FRMD3: variants seen among roughly 807,000 people sequenced by gnomAD.
The protein encoded by FRMD3 is FERM domain containing 3.
Under a neutral mutation model 70.2 loss-of-function variants are expected in FRMD3, and 33 were observed. The observed-to-expected ratio is 0.47, with a 90% CI of 0.36 to 0.63. FRMD3 has a LOEUF of 0.63. Ranked by LOEUF, FRMD3 falls within the 20% of genes least tolerant of loss-of-function variation. The probability of loss-of-function intolerance (pLI) is 0.00; values close to 1 mark genes in which losing one functional copy is unlikely to be tolerated. For missense variants in FRMD3, 632 were observed against 711.4 expected (o/e 0.89, Z 1.27); for synonymous variants, 279 against 255.9 (o/e 1.09, Z -0.86).
intron 1 of FRMD3, among the ~76,000 whole-genome samples, chr9:83,464,886 G>T (rs1828078068): frequency 6.6e-6 from 1 of 151,460 alleles, no homozygotes; most frequent in Non-Finnish European, 1.5e-5. Context: ...CAGGCTTGGT[G>T]GTGTGCACCT....
rs1228078604 is a variant in FRMD3 at position 83,467,615 on chromosome 9, T to C, written c.147+70470A>G. 6.6e-6 allele frequency: 10 copies of C among 1,521,858 alleles called. No homozygotes were observed. In the East Asian group the frequency reaches 2.4e-4, roughly 37 times the overall value. The allele number at this position is 1,521,858 out of a possible 1,614,324, so 94.3% of individuals were successfully genotyped here. On this transcript the variant is annotated intron_variant, in intron 1 of 13. Coordinates refer to ENST00000304195, the MANE Select transcript of FRMD3 (RefSeq NM_174938.6). ...GATTACATTTTAGCTGACTGACACA[T>C]ACCTTTGAAAGCTGCATAAGCAGGT...
chr9:83,273,961 G>C (rs888472875), intron 13 of FRMD3, among the ~76,000 whole-genome samples: 2 of 152,056 alleles, frequency 1.3e-5, no homozygotes, highest in Admixed American at 6.5e-5. Context: ...AGGACTGTAA[G>C]TACACGCCAT....
intron 1 of FRMD3, among the ~76,000 whole-genome samples, chr9:83,507,205 A>G (rs1434418372): frequency 6.6e-6 from 1 of 151,746 alleles, no homozygotes; most frequent in Non-Finnish European, 1.5e-5. Context: ...CGTCTCTACT[A>G]AAAATACAAA....
chr9:83,297,567 C>T (rs1304420282), intron 12 of FRMD3: 4 of 331,776 alleles, frequency 1.2e-5, no homozygotes, highest in South Asian at 2.5e-5. Flanking sequence ...TTATCATTTC[C>T]TCTTCATTTC....
chr9:83,385,630 G>T (rs368019517), intron 2 of FRMD3, among the ~76,000 whole-genome samples: 120 of 151,992 alleles, frequency 7.9e-4, no homozygotes, highest in African/African-American at 2.8e-3. Context: ...CAAGGCAAAG[G>T]TAACTTTCAC....
intron 1 of FRMD3, among the ~76,000 whole-genome samples, chr9:83,514,217 A>C (rs1412276084): frequency 6.6e-6 from 1 of 152,174 alleles, no homozygotes; most frequent in Non-Finnish European, 1.5e-5. Context: ...TACTGGCTTG[A>C]AATTCTCACT....
At position 83,299,117 on chromosome 9, in the gene FRMD3, T is replaced by C; in HGVS notation, c.996A>G (p.Arg332=). 2 of 1,606,718 alleles carry C rather than the reference T, an allele frequency of 1.2e-6. No homozygotes were observed. Among genetic ancestry groups the C allele is most frequent in the Non-Finnish European group, 1.7e-6 (2 of 1,173,728 alleles). The change falls in exon 11 of 14, where the codon CGA becomes CGG. Residue 332 remains arginine (R), a synonymous_variant. Coordinates refer to ENST00000304195, the MANE Select transcript of FRMD3 (RefSeq NM_174938.6). Reference sequence around the variant, plus strand: ...ATGGAACCATTGGTACCCACCTATATCGAAATCTACTTCCTTTAAAAAATA... The same window carrying C: ...ATGGAACCATTGGTACCCACCTATACCGAAATCTACTTCCTTTAAAAAATA... ...SKIFFKGSRF[R]YSGKVAKEVV...
At chr9:83,263,510 A>G (rs545688673) in intron 13 of FRMD3, among the ~76,000 whole-genome samples, 3 of 152,364 alleles carry the variant, frequency 2.0e-5, no homozygotes, top group South Asian at 4.1e-4. Context: ...AAAACGTTGG[A>G]AGAATTCCCA....
At chr9:83,319,815 T>C (rs1198875151) in intron 6 of FRMD3, among the ~76,000 whole-genome samples, 1 of 152,228 alleles carries the variant, frequency 6.6e-6, no homozygotes, top group Non-Finnish European at 1.5e-5. Context: ...CCTGCTGCCA[T>C]CCATGTAAGA....
At chr9:83,582,455 T>C in the FRMD3 span, among the ~76,000 whole-genome samples, 3 of 152,252 alleles carry the variant, frequency 2.0e-5, no homozygotes, top group Admixed American at 2.0e-4. Context: ...TCTGTTTTAC[T>C]GTGGATAATT....
At chr9:83,440,841 C>T (rs369830921) in intron 1 of FRMD3, among the ~76,000 whole-genome samples, 5 of 152,144 alleles carry the variant, frequency 3.3e-5, no homozygotes, top group Admixed American at 6.5e-5. Context: ...AGGCATGTAA[C>T]GCAGAGTCTG....
At chr9:83,260,005 C>T (rs773154592) in intron 13 of FRMD3, among the ~76,000 whole-genome samples, 1 of 152,140 alleles carries the variant, frequency 6.6e-6, no homozygotes, top group Admixed American at 6.6e-5. Context: ...AGCTAAGCCA[C>T]GGCTATCTGA....
rs12237546 is a variant in FRMD3, at chr9:83,284,716, G to A, written c.1195+5887C>T. On this transcript the variant is annotated intron_variant, in intron 13 of 13. Transcript: ENST00000304195. ...AGCATCTGGGGGAAAATGGTGGGAAGAAAGACACCGAAGCCATAAGAATAG... is the reference window on the plus strand; with the variant it reads ...AGCATCTGGGGGAAAATGGTGGGAAAAAAGACACCGAAGCCATAAGAATAG... Among the ~76,000 whole-genome samples, 38 of 152,336 alleles carry A rather than the reference G, an allele frequency of 2.5e-4. No individual in the cohort carries two copies. The East Asian group carries it at 6.8e-3, about 27-fold the overall frequency.
intron 10 of FRMD3, among the ~76,000 whole-genome samples, chr9:83,301,027 A>G (rs1189142911): frequency 6.6e-6 from 1 of 152,226 alleles, no homozygotes; most frequent in Admixed American, 6.5e-5. Flanking sequence ...AAGCAGGGAG[A>G]GTAAGATGGG....
At chr9:83,564,566 C>T in the FRMD3 span, among the ~76,000 whole-genome samples, 1 of 152,156 alleles carries the variant, frequency 6.6e-6, no homozygotes, top group South Asian at 2.1e-4. Flanking sequence ...AAACTGAGTC[C>T]GTTATTCTGA....
intron 1 of FRMD3, among the ~76,000 whole-genome samples, chr9:83,532,411 T>C (rs905156884): frequency 1.3e-5 from 2 of 152,158 alleles, no homozygotes; most frequent in African/African-American, 4.8e-5. Flanking sequence ...GAAATGATAT[T>C]TAACAACACA....
chr9:83,584,058 G>A, the FRMD3 span, among the ~76,000 whole-genome samples: 194 of 152,202 alleles, frequency 1.3e-3, no homozygotes, highest in African/African-American at 4.5e-3. Context: ...TCTCTTGGCC[G>A]GGCGTGGTGG....
intron 13 of FRMD3, among the ~76,000 whole-genome samples, chr9:83,279,923 A>G (rs1325490129): frequency 6.6e-6 from 1 of 152,232 alleles, no homozygotes; most frequent in African/African-American, 2.4e-5. Flanking sequence ...CTATGTAACA[A>G]ACATGCACGT....
chr9:83,451,601 C>G (rs1827659608), intron 1 of FRMD3, among the ~76,000 whole-genome samples: 1 of 152,190 alleles, frequency 6.6e-6, no homozygotes, highest in African/African-American at 2.4e-5. Context: ...CCGTGGCTAG[C>G]TTGTTACAGG....
Sources: allele counts gnomAD v4.1 joint callset (sites outside exome capture counted in the v4.1 genomes callset), GRCh38; gene constraint gnomAD v4.1.1; transcripts MANE v1.5; gene names NCBI Gene and HGNC (gene_info 2026-07-23, HGNC 2026-07-21).